The following PDLIM7 variants were observed in gnomAD, a reference collection of about 807,000 sequenced individuals.
PDLIM7 encodes the protein PDZ and LIM domain protein 7.
In PDLIM7, 37 loss-of-function variants were observed where a neutral mutation model predicts 53.9. That is an observed-to-expected ratio of 0.69 (90% CI 0.53 to 0.90). PDLIM7 has a LOEUF of 0.90. PDLIM7 is among the 40% of genes least tolerant of loss of function. The pLI, the probability that PDLIM7 is intolerant of heterozygous loss-of-function variation, is 0.00. For synonymous variants in PDLIM7, 300 were observed against 261.3 expected (o/e 1.15, Z -1.43); for missense variants, 617 against 638.5 (o/e 0.97, Z 0.36).
At chr5:177,484,232 C>A in intron 10 of PDLIM7, 42 bp from the exon 11 acceptor site, 1 of 1,604,918 alleles carries the variant, frequency 6.2e-7, no homozygotes, top group Non-Finnish European at 8.5e-7. Flanking sequence ...CAGGCCCCTC[C>A]TGCCCTGCCC....
In PDLIM7 at chr5:177,491,105, C is replaced by T. The variant is rs753028925; in HGVS notation, c.440G>A (p.Arg147Gln). ...RPLVPDASKQ[R>Q]LMENTEDWRP... ...CCAGTCCTCTGTGTTCTCCATCAGC[C>T]GCTGCTTGCTGGCATCTGGGACCAG... The change falls in exon 6 of 13, where the codon CGG becomes CAG. Residue 147 changes from arginine (R) to glutamine (Q), a missense_variant. Physicochemically the swap from Arg to Gln is conservative, Grantham distance 43. Transcript: ENST00000355841. 29 of 1,611,822 alleles carry T rather than the reference C, an allele frequency of 1.8e-5. No homozygotes were observed. The highest frequency in any genetic ancestry group is 8.8e-5 in the South Asian group (8 of 90,852).
At chr5:177,488,466 G>A (rs1464946121) in intron 9 of PDLIM7, among the ~76,000 whole-genome samples, 1 of 152,222 alleles carries the variant, frequency 6.6e-6, no homozygotes, top group African/African-American at 2.4e-5. Flanking sequence ...GACAGGAGAG[G>A]CAGCTTTAGA....
At chr5:177,491,227 G>T in intron 5 of PDLIM7, 81 bp from the exon 6 acceptor site, 1 of 1,509,112 alleles carries the variant, frequency 6.6e-7, no homozygotes. Context: ...GTGCATGTGG[G>T]TTTGGGTTAC....
rs115491438 is a variant in PDLIM7, at chr5:177,496,215, T to C, written c.96+202A>G. On this transcript the variant is annotated intron_variant, in intron 2 of 12. Transcript: ENST00000355841. ...AACAGCATCGGGTACAGTGCAGGGC[T>C]GGAGAAGCCTGGGTGCTCCCTCCCA... 2.3e-3 allele frequency among the ~76,000 whole-genome samples: 350 copies of C among 152,328 alleles called. 2 individuals carry two copies. The highest frequency in any genetic ancestry group is 8.0e-3 in the African/African-American group (334 of 41,578).
At position 177,489,682 on chromosome 5, in the gene PDLIM7, G is replaced by A. The variant is rs936246291; in HGVS notation, c.635-55C>T. On this transcript the variant is annotated intron_variant, in intron 8 of 12. Transcript: ENST00000355841. ...CCCAGGGACCCCAAAGGACGGGGGT[G>A]GAGCCCCAGGCAGCTGAGAGAAGCC... 26 of 1,500,180 alleles carry A rather than the reference G, an allele frequency of 1.7e-5. No individual in the cohort carries two copies. In the South Asian group the frequency reaches 1.9e-4, roughly 11 times the overall value. The allele number at this position is 1,500,180 out of a possible 1,614,324, so 92.9% of individuals were successfully genotyped here.
rs337410 is a variant in PDLIM7, at chr5:177,483,454, C to T, written c.*190G>A. The T allele has an allele frequency of 1.3e-3, 774 of 574,592 alleles. 4 individuals are homozygous for T. The highest frequency in any genetic ancestry group is 0.013 in the African/African-American group (695 of 53,484). The allele number at this position is 574,592 out of a possible 1,614,324, so 35.6% of individuals were successfully genotyped here. On this transcript the variant is annotated 3_prime_UTR_variant, in exon 13 of 13. Coordinates refer to ENST00000355841, the MANE Select transcript of PDLIM7 (RefSeq NM_005451.5). ...TGAAAGGGGGCTGGTGTGGCCAGCA[C>T]CGGTGTGCTGTGGTGGTGGAGGGAG...
chr5:177,489,500 C>CGGCGTG lies in PDLIM7; in HGVS notation c.756_761dup (p.Thr253_Pro254dup), dbSNP rs1561701689. On this transcript the variant is annotated inframe_insertion, in exon 9 of 13. Coordinates refer to ENST00000355841, the MANE Select transcript of PDLIM7 (RefSeq NM_005451.5). ...GCACAATGGAGGTGCGGCTCTGCAG[C>CGGCGTG]GGCGTGGGCGTGGCCGGCTGGCTGT... 1 of 1,608,520 alleles carries CGGCGTG rather than the reference C, an allele frequency of 6.2e-7. No homozygotes were observed. The highest frequency in any genetic ancestry group is 1.7e-5 in the Admixed American group (1 of 59,318).
At chr5:177,486,629 C>CAG (rs1158668670) in intron 10 of PDLIM7, among the ~76,000 whole-genome samples, 2 of 152,066 alleles carry the variant, frequency 1.3e-5, no homozygotes, top group African/African-American at 4.8e-5. Context: ...GGCTGGGAGG[C>CAG]AGATTTCTCT....
intron 4 of PDLIM7, 63 bp downstream of exon 4, chr5:177,492,342 G>C: frequency 6.3e-7 from 1 of 1,584,766 alleles, no homozygotes; most frequent in Non-Finnish European, 8.6e-7. Context: ...CCAGGAGGGC[G>C]AGCAGGCCTG....
At chr5:177,484,016 A>C in intron 11 of PDLIM7, 34 bp from the exon 12 acceptor site, 1 of 1,613,440 alleles carries the variant, frequency 6.2e-7, no homozygotes, top group Non-Finnish European at 8.5e-7. Flanking sequence ...GAGGACCTGG[A>C]TTCATGCCTG....
intron 10 of PDLIM7, among the ~76,000 whole-genome samples, chr5:177,486,633 T>G (rs1172823912): frequency 6.6e-6 from 1 of 151,994 alleles, no homozygotes; most frequent in Admixed American, 6.6e-5. Context: ...GGGAGGCAGA[T>G]TTCTCTTTCT....
At chr5:177,494,582 TC>T (rs1352614351) in intron 2 of PDLIM7, among the ~76,000 whole-genome samples, 5 of 150,424 alleles carry the variant, frequency 3.3e-5, no homozygotes, top group Non-Finnish European at 3.0e-5. Context: ...GGGGACGGCT[TC>T]CCTTCCCAGA....
At chr5:177,487,942 C>G (rs762870092) in intron 10 of PDLIM7, 126 bp downstream of exon 10, 5 of 816,104 alleles carry the variant, frequency 6.1e-6, no homozygotes, top group Admixed American at 5.6e-5. Flanking sequence ...TACAGCAGCC[C>G]ATTTATTACG....
rs903306525 is a variant in PDLIM7 at position 177,495,757 on chromosome 5, C to T, written c.96+660G>A. On this transcript the variant is annotated intron_variant, in intron 2 of 12. Coordinates refer to ENST00000355841, the MANE Select transcript of PDLIM7 (RefSeq NM_005451.5). ...CCAGCTCCACCCACACCAGGGCAGG[C>T]TCTTGGAAGCTGAAGTTAAGCCCCT... Among the ~76,000 whole-genome samples the T allele has an allele frequency of 2.0e-5, 3 of 152,248 alleles. No homozygotes were observed. In the Middle Eastern group the frequency reaches 0.01, roughly 518 times the overall value.
intron 7 of PDLIM7, 132 bp downstream of exon 7, chr5:177,490,738 G>T (rs1758719727): frequency 1.2e-6 from 1 of 848,972 alleles, no homozygotes; most frequent in Admixed American, 1.9e-5. Flanking sequence ...AGGAAGGAAG[G>T]AAGGAAGGAA....
chr5:177,487,589 T>C (rs1354042495), intron 10 of PDLIM7, among the ~76,000 whole-genome samples: 1 of 152,216 alleles, frequency 6.6e-6, no homozygotes, highest in Non-Finnish European at 1.5e-5. Context: ...CCCCGGGATG[T>C]TTTTAGATGA....
At chr5:177,495,408 G>A (rs971582444) in intron 2 of PDLIM7, among the ~76,000 whole-genome samples, 4 of 152,188 alleles carry the variant, frequency 2.6e-5, no homozygotes, top group Non-Finnish European at 2.9e-5. Context: ...CCCACCCGGC[G>A]CCTGGGTGGG....
At chr5:177,496,625 C>A in intron 1 of PDLIM7, 102 bp from the exon 2 acceptor site, 1 of 705,048 alleles carries the variant, frequency 1.4e-6, no homozygotes, top group South Asian at 2.3e-5. Flanking sequence ...GCCAGGCAGG[C>A]ACGGGCAGCC....
chr5:177,492,390 C>G lies in PDLIM7; in HGVS notation c.279+15G>C. ...CACACCGCCCACCGCCCGGATGTCC[C>G]GGCCAGCCTCGTACCTTCTGCGGTT... is the stretch of plus-strand genomic sequence containing the variant. On this transcript the variant is annotated intron_variant, in intron 4 of 12. Coordinates refer to ENST00000355841, the MANE Select transcript of PDLIM7 (RefSeq NM_005451.5). The G allele has an allele frequency of 1.2e-6, 2 of 1,612,594 alleles. No individual in the cohort carries two copies. Among genetic ancestry groups the G allele is most frequent in the Non-Finnish European group, 1.7e-6 (2 of 1,179,338 alleles).
Sources: gnomAD v4.1 joint callset for allele counts (sites outside exome capture counted in the v4.1 genomes callset) on GRCh38, gnomAD v4.1.1 for gene constraint, MANE v1.5 for transcripts, NCBI Gene and HGNC (gene_info 2026-07-23, HGNC 2026-07-21) for gene names.